Variants in SLC9A7 observed in about 807,000 individuals in gnomAD.
SLC9A7 encodes the protein sodium/hydrogen exchanger 7.
Under a neutral mutation model 52.6 loss-of-function variants are expected in SLC9A7, and 19 were observed. That is an observed-to-expected ratio of 0.36 (90% CI 0.25 to 0.53). The LOEUF (loss-of-function observed/expected upper bound fraction) is 0.53. Ranked by LOEUF, SLC9A7 falls within the 20% of genes least tolerant of loss-of-function variation. SLC9A7 has a pLI of 0.91. For missense variants in SLC9A7, 455 were observed against 597.9 expected (o/e 0.76, Z 2.49); for synonymous variants, 226 against 252.1 (o/e 0.90, Z 0.98).
At chrX:46,725,251 G>T in intron 1 of SLC9A7, 3 of 1,108,898 alleles carry the variant, frequency 2.7e-6, no homozygotes, top group Non-Finnish European at 3.7e-6. Flanking sequence ...GGAATTGCAG[G>T]TGCAGATGCT....
chrX:46,672,747 G>GT, intron 3 of SLC9A7, 120 bp from the exon 4 acceptor site: 1 of 496,821 alleles, frequency 2.0e-6, no homozygotes, highest in South Asian at 3.5e-5. Context: ...ATTACATCAA[G>GT]TAACAACTGA....
chrX:46,708,653 T>C (rs1187381106), intron 1 of SLC9A7, among the ~76,000 whole-genome samples: 1 of 112,295 alleles, frequency 8.9e-6, no homozygotes, highest in African/African-American at 3.2e-5. Context: ...CACCACTGAT[T>C]ATGTTCTTTC....
In SLC9A7 at chrX:46,606,779, C is replaced by T; in HGVS notation, c.*173G>A. On this transcript the variant is annotated 3_prime_UTR_variant, in exon 17 of 17. Coordinates refer to ENST00000616978, the MANE Select transcript of SLC9A7 (RefSeq NM_001257291.2). ...TGTCTGAATTTAGAGACACTTTTGCCTCACCATCTGCATTGTGAGTTAAAT... is the reference window on the plus strand; with the variant it reads ...TGTCTGAATTTAGAGACACTTTTGCTTCACCATCTGCATTGTGAGTTAAAT... The T allele has an allele frequency of 1.8e-6, 2 of 1,097,646 alleles. No individual in the cohort carries two copies. The highest frequency in any genetic ancestry group is 4.8e-5 in the South Asian group (2 of 41,787). The allele number at this position is 1,097,646 out of a possible 1,213,427, so 90.5% of individuals were successfully genotyped here. A position where few individuals can be genotyped will look rare whatever the true frequency, so the allele number is the denominator to read the frequency against.
chrX:46,718,681 C>A (rs1158264016), intron 1 of SLC9A7, among the ~76,000 whole-genome samples: 6 of 112,252 alleles, frequency 5.3e-5, no homozygotes, highest in Non-Finnish European at 3.8e-5. Flanking sequence ...ATGCAGCCAA[C>A]AGACACATGA....
intron 5 of SLC9A7, among the ~76,000 whole-genome samples, chrX:46,665,059 G>A (rs1943894806): frequency 9.0e-6 from 1 of 111,272 alleles, no homozygotes; most frequent in African/African-American, 3.3e-5. Flanking sequence ...CTGACCACGG[G>A]GGTGGGATGT....
chrX:46,657,328 A>C (rs368556803), intron 7 of SLC9A7, among the ~76,000 whole-genome samples: 3 of 108,895 alleles, frequency 2.8e-5, no homozygotes, highest in African/African-American at 6.7e-5. Context: ...TGAGCAAAAT[A>C]ACCAGCTAAC....
At chrX:46,623,412 C>G (rs1943076141) in intron 14 of SLC9A7, among the ~76,000 whole-genome samples, 1 of 111,912 alleles carries the variant, frequency 8.9e-6, no homozygotes. Context: ...CTTCTAGGGC[C>G]TGGAGCATTC....
chrX:46,694,733 T>C (rs1013570616), intron 1 of SLC9A7, among the ~76,000 whole-genome samples: 6 of 112,177 alleles, frequency 5.3e-5, no homozygotes, highest in African/African-American at 1.9e-4. Flanking sequence ...ATTTACACTC[T>C]ACCCTAGACT....
chrX:46,740,763 C>T (rs1041733128), intron 1 of SLC9A7, among the ~76,000 whole-genome samples: 1 of 110,820 alleles, frequency 9.0e-6, no homozygotes, highest in Non-Finnish European at 1.9e-5. Flanking sequence ...GGCCCTACCA[C>T]TTCTAATTCA....
intron 12 of SLC9A7, among the ~76,000 whole-genome samples, chrX:46,641,193 G>T (rs775012590): frequency 8.9e-6 from 1 of 112,117 alleles, no homozygotes; most frequent in Non-Finnish European, 1.9e-5. Context: ...AGGCAGCAGG[G>T]ACCAGAGGAG....
chrX:46,632,867 A>C (rs1943244453), intron 13 of SLC9A7, among the ~76,000 whole-genome samples: 2 of 111,878 alleles, frequency 1.8e-5, no homozygotes, highest in South Asian at 7.4e-4. Context: ...ATTTGAGAGC[A>C]ACAACTAAAG....
intron 14 of SLC9A7, among the ~76,000 whole-genome samples, chrX:46,627,376 C>T (rs1252331850): frequency 9.0e-6 from 1 of 111,688 alleles, no homozygotes; most frequent in Non-Finnish European, 1.9e-5. Flanking sequence ...TAGTTTTCTT[C>T]CCTGCTTAAA....
At chrX:46,715,729 CA>C (rs1345753776) in intron 1 of SLC9A7, among the ~76,000 whole-genome samples, 1 of 111,594 alleles carries the variant, frequency 9.0e-6, no homozygotes, top group Non-Finnish European at 1.9e-5. Context: ...AGTATCCATA[CA>C]ACCATTCTGT....
chrX:46,670,519 G>A (rs1249698142), intron 4 of SLC9A7, among the ~76,000 whole-genome samples: 3 of 111,239 alleles, frequency 2.7e-5, no homozygotes, highest in East Asian at 2.8e-4. Context: ...GTGTGTGTGC[G>A]TGTGGTGGCA....
intron 7 of SLC9A7, among the ~76,000 whole-genome samples, chrX:46,660,738 T>G (rs1438106157): frequency 2.8e-5 from 3 of 108,484 alleles, no homozygotes; most frequent in Admixed American, 9.7e-5. Context: ...CTGGAGAGGA[T>G]GCGGAGAAAT....
At position 46,607,190 on chromosome X, in the gene SLC9A7, A is replaced by G. The variant is rs1942762163; in HGVS notation, c.1943T>C (p.Leu648Pro). 8.3e-7 allele frequency: 1 copy of G among 1,210,447 alleles called. No individual in the cohort carries two copies. Residue 648 changes from leucine (L) to proline (P), a missense_variant, in exon 17 of 17, where the codon CTG (leucine) becomes CCG (proline). Coordinates refer to ENST00000616978, the MANE Select transcript of SLC9A7 (RefSeq NM_001257291.2). Reference protein sequence around the residue: ...SPQVYDNQEPLREEDSDFILT... With the variant: ...SPQVYDNQEPPREEDSDFILT... ...GATGAAATCAGAGTCTTCCTCTCTC[A>G]GTGGCTCTTGGTTCTGAAAAGTGCA...
chrX:46,758,655 C>G, intron 1 of SLC9A7, 50 bp downstream of exon 1: 1 of 896,891 alleles, frequency 1.1e-6, no homozygotes, highest in Non-Finnish European at 1.5e-6. Flanking sequence ...CCAGGAGGAG[C>G]GCGGCGGCCG....
At chrX:46,732,596 G>C (rs1221882132) in intron 1 of SLC9A7, among the ~76,000 whole-genome samples, 1 of 111,335 alleles carries the variant, frequency 9.0e-6, no homozygotes, top group Admixed American at 9.5e-5. Context: ...CACCCTGTTG[G>C]TGAGAAGATG....
At chrX:46,747,216 T>C (rs868412020) in intron 1 of SLC9A7, among the ~76,000 whole-genome samples, 11 of 111,966 alleles carry the variant, frequency 9.8e-5, no homozygotes, top group South Asian at 7.3e-4. Flanking sequence ...CAAAGCCTAG[T>C]GTTTGGTAGA....
Sources: allele counts gnomAD v4.1 joint callset (sites outside exome capture counted in the v4.1 genomes callset), GRCh38; gene constraint gnomAD v4.1.1; transcripts MANE v1.5; gene names NCBI Gene and HGNC (gene_info 2026-07-23, HGNC 2026-07-21).